PKIG: variants seen among roughly 807,000 people sequenced by gnomAD.
The protein encoded by PKIG is protein kinase (cAMP-dependent, catalytic) inhibitor gamma.
In PKIG, 1 loss-of-function variant was observed where a neutral mutation model predicts 6.8. The ratio of observed to expected loss-of-function variants is 0.15; its 90% CI spans 0.05 to 0.69. The LOEUF (loss-of-function observed/expected upper bound fraction) is 0.69, where lower values mean the gene tolerates loss of function less well. PKIG is among the 30% of genes least tolerant of loss of function. PKIG has a pLI of 0.82. For missense variants in PKIG, 77 were observed against 104.0 expected (o/e 0.74, Z 1.13); for synonymous variants, 39 against 43.0 (o/e 0.91, Z 0.36).
At chr20:44,588,012 C>T (rs1032614237) in intron 1 of PKIG, among the ~76,000 whole-genome samples, 4 of 151,858 alleles carry the variant, frequency 2.6e-5, no homozygotes, top group African/African-American at 9.7e-5. Context: ...TGCTCATGGC[C>T]GGATAGGAAA....
At chr20:44,615,219 C>A (rs1298768521) in intron 3 of PKIG, among the ~76,000 whole-genome samples, 2 of 152,194 alleles carry the variant, frequency 1.3e-5, no homozygotes, top group Non-Finnish European at 2.9e-5. Flanking sequence ...GTAGGCCGGG[C>A]CCTGCCCAAG....
intron 2 of PKIG, among the ~76,000 whole-genome samples, chr20:44,611,520 CTTT>C (rs1330858238): frequency 7.1e-6 from 1 of 141,466 alleles, no homozygotes. Context: ...TCTATATCAA[CTTT>C]TTTTTTTTTT....
At chr20:44,554,537 G>C (rs1351483348) in intron 1 of PKIG, among the ~76,000 whole-genome samples, 1 of 152,166 alleles carries the variant, frequency 6.6e-6, no homozygotes, top group Non-Finnish European at 1.5e-5. Context: ...GTCCAGACTT[G>C]ATGCTAATTG....
At chr20:44,549,475 T>C (rs1288233174) in intron 1 of PKIG, among the ~76,000 whole-genome samples, 1 of 152,196 alleles carries the variant, frequency 6.6e-6, no homozygotes, top group Non-Finnish European at 1.5e-5. Context: ...GCACAAATCA[T>C]CTCCAGTAGT....
chr20:44,591,315 A>T (rs1340697398), intron 2 of PKIG, among the ~76,000 whole-genome samples: 1 of 152,176 alleles, frequency 6.6e-6, no homozygotes, highest in Admixed American at 6.5e-5. Flanking sequence ...GGAGGTGTCC[A>T]TGAATGAATC....
At chr20:44,588,826 CTTTG>C (rs1420600794) in intron 1 of PKIG, among the ~76,000 whole-genome samples, 2 of 152,168 alleles carry the variant, frequency 1.3e-5, no homozygotes, top group Non-Finnish European at 2.9e-5. Flanking sequence ...CTTGCCCAGT[CTTTG>C]TTTGAAAATA....
chr20:44,593,055 A>G (rs1047454555), intron 2 of PKIG, among the ~76,000 whole-genome samples: 1 of 152,214 alleles, frequency 6.6e-6, no homozygotes, highest in Admixed American at 6.5e-5. Flanking sequence ...CAAATATTAT[A>G]GGCTGGACAT....
chr20:44,614,391 C>CTTT lies in PKIG; in HGVS notation c.-23-141_-23-139dup. 1 of 605,276 alleles carries CTTT rather than the reference C, an allele frequency of 1.7e-6. No homozygotes were observed. Among genetic ancestry groups the CTTT allele is most frequent in the South Asian group, 2.1e-5 (1 of 46,596 alleles). 37.5% of individuals were successfully genotyped at this position (605,276 alleles called of 1,614,324 possible). A position where few individuals can be genotyped will look rare whatever the true frequency, so the allele number is the denominator to read the frequency against. On this transcript the variant is annotated intron_variant, in intron 2 of 3. Coordinates refer to ENST00000372886, the MANE Select transcript of PKIG (RefSeq NM_001281445.2). This position sits in a 1 kb window ranked among gnomAD's most constrained non-coding sequence, Gnocchi z 4.6. The stretch of plus-strand genomic sequence containing the variant: ...TGAGTGACTTGTTTTGTTCTTTGTA[C>CTTT]TTTTCTGTGCTTTTTGCTTTGTTTT...
At chr20:44,569,425 A>C (rs1369591521) in intron 1 of PKIG, among the ~76,000 whole-genome samples, 1 of 152,238 alleles carries the variant, frequency 6.6e-6, no homozygotes, top group South Asian at 2.1e-4. Context: ...ATAAACATTC[A>C]GAACAGAAAG....
At chr20:44,553,778 A>G (rs2064689411) in intron 1 of PKIG, among the ~76,000 whole-genome samples, 1 of 152,188 alleles carries the variant, frequency 6.6e-6, no homozygotes. Context: ...GTTCCTGTGC[A>G]CACGGGTGAG....
chr20:44,611,890 G>A (rs761902929), intron 2 of PKIG, among the ~76,000 whole-genome samples: 1 of 151,804 alleles, frequency 6.6e-6, no homozygotes, highest in Non-Finnish European at 1.5e-5. Flanking sequence ...TTCTGTGTCT[G>A]GCTTATTTCA....
At position 44,614,842 on chromosome 20, in the gene PKIG, C is replaced by A; in HGVS notation, c.151+135C>A. On this transcript the variant is annotated intron_variant, in intron 3 of 3. Transcript: ENST00000372886. This position sits in a 1 kb window ranked among gnomAD's most constrained non-coding sequence, Gnocchi z 4.6. Reference sequence around the variant, plus strand: ...ATTTAAGTCAGGCCTGCCCCATGGTCAGTGGCAGAGTCCAGCAATCTCTAG... The same window carrying A: ...ATTTAAGTCAGGCCTGCCCCATGGTAAGTGGCAGAGTCCAGCAATCTCTAG... 1 of 859,008 alleles carries A rather than the reference C, an allele frequency of 1.2e-6. No homozygotes were observed. The highest frequency in any genetic ancestry group is 2.7e-5 in the Admixed American group (1 of 37,338). 53.2% of individuals were successfully genotyped at this position (859,008 alleles called of 1,614,324 possible).
chr20:44,601,227 A>G (rs2065119002), intron 2 of PKIG, among the ~76,000 whole-genome samples: 1 of 152,176 alleles, frequency 6.6e-6, no homozygotes, highest in South Asian at 2.1e-4. Context: ...CCTTCCTATC[A>G]CTGCCTGCAT....
intron 1 of PKIG, among the ~76,000 whole-genome samples, chr20:44,543,931 G>T (rs1368914995): frequency 1.3e-5 from 2 of 152,056 alleles, no homozygotes; most frequent in East Asian, 3.9e-4. Flanking sequence ...GTGTGTGATG[G>T]TAGACGCCTG....
At chr20:44,576,359 G>A (rs764732362) in intron 1 of PKIG, among the ~76,000 whole-genome samples, 5 of 152,100 alleles carry the variant, frequency 3.3e-5, no homozygotes, top group African/African-American at 9.7e-5. Context: ...ATATGTTAAG[G>A]GTTATAAGAA....
chr20:44,554,761 T>C (rs1197486944), intron 1 of PKIG, among the ~76,000 whole-genome samples: 1 of 152,190 alleles, frequency 6.6e-6, no homozygotes, highest in Non-Finnish European at 1.5e-5. Context: ...CAACAGACTG[T>C]GTTTTTTCAA....
At chr20:44,584,226 C>T (rs889511353) in intron 1 of PKIG, among the ~76,000 whole-genome samples, 1 of 152,106 alleles carries the variant, frequency 6.6e-6, no homozygotes, top group African/African-American at 2.4e-5. Context: ...ACTTCAATTC[C>T]CCATGTCTCC....
chr20:44,610,193 G>A (rs1179543303), intron 2 of PKIG, among the ~76,000 whole-genome samples: 1 of 152,196 alleles, frequency 6.6e-6, no homozygotes, highest in East Asian at 1.9e-4. Flanking sequence ...GGGAATTGCC[G>A]TGGACAGTGT....
chr20:44,549,546 T>C (rs1205213455), intron 1 of PKIG, among the ~76,000 whole-genome samples: 1 of 152,226 alleles, frequency 6.6e-6, no homozygotes, highest in Non-Finnish European at 1.5e-5. Flanking sequence ...CATTTAAGGC[T>C]TGACGCTGTG....
Sources: gnomAD v4.1 joint callset for allele counts (sites outside exome capture counted in the v4.1 genomes callset) on GRCh38, gnomAD v4.1.1 for gene constraint, Gnocchi (gnomAD v3.1) non-coding constraint, MANE v1.5 for transcripts, NCBI Gene and HGNC (gene_info 2026-07-23, HGNC 2026-07-21) for gene names.